The following GGNBP2 variants were observed in gnomAD, a reference collection of about 807,000 sequenced individuals.
GGNBP2 encodes gametogenetin binding protein 2, also known as gametogenetin-binding protein 2.
In GGNBP2, 10 loss-of-function variants were observed where a neutral mutation model predicts 85.9. That is an observed-to-expected ratio of 0.12 (90% CI 0.07 to 0.20). GGNBP2 has a LOEUF of 0.20. GGNBP2 is among the 10% of genes least tolerant of loss of function. The pLI, the probability that GGNBP2 is intolerant of heterozygous loss-of-function variation, is 1.00. For missense variants in GGNBP2, 595 were observed against 857.8 expected (o/e 0.69, Z 3.83); for synonymous variants, 287 against 285.7 (o/e 1.00, Z -0.05).
At chr17:36,545,593 A>T (rs559151966) in intron 1 of GGNBP2, 26 bp from the exon 2 acceptor site, 1 of 665,446 alleles carries the variant, frequency 1.5e-6, no homozygotes, top group Non-Finnish European at 2.6e-6. Context: ...GCGGGTGCTT[A>T]CGCTCGCGGG....
At chr17:36,556,450 A>T (rs549574762) in intron 3 of GGNBP2, among the ~76,000 whole-genome samples, 1 of 152,230 alleles carries the variant, frequency 6.6e-6, no homozygotes, top group Admixed American at 6.5e-5. Context: ...TCACGCCTGT[A>T]ATCCGAGCAC....
intron 6 of GGNBP2, among the ~76,000 whole-genome samples, chr17:36,571,014 T>C (rs2074518772): frequency 6.6e-6 from 1 of 152,152 alleles, no homozygotes; most frequent in Admixed American, 6.6e-5. Context: ...AGTGAGACTC[T>C]GTCTCAAAAG....
Position 36,587,234 on chromosome 17 carries a change from G to A in GGNBP2, c.1879G>A (p.Val627Ile). The part of the protein sequence containing the change: ...PDSGKGAKSL[V>I]ELLDESECTS... ...TTCCGGAAAAGGTGCCAAGAGCTTA[G>A]TTGAACTCCTTGTAAGTATTCCATG... Residue 627 changes from valine to isoleucine, a missense_variant, in exon 13 of 14, where the codon GTT becomes ATT. Transcript: ENST00000613102. The A allele has an allele frequency of 6.2e-7, 1 of 1,614,156 alleles. No homozygotes were observed. Among genetic ancestry groups the A allele is most frequent in the Non-Finnish European group, 8.5e-7 (1 of 1,180,026 alleles).
At position 36,587,125 on chromosome 17, in the gene GGNBP2, G is replaced by A. The variant is rs2074710056; in HGVS notation, c.1770G>A (p.Lys590=). Residue 590 remains lysine (K), a synonymous_variant, in exon 13 of 14, where the codon AAG becomes AAA. Transcript: ENST00000613102. ...CTGAAAGCTGTTGCAGCTCTGAAAA[G>A]GGTGGGCAGCCATTGCCTTGGTTTG... is the stretch of plus-strand genomic sequence containing the variant. The part of the protein sequence containing the change: ...THPESCCSSE[K]GGQPLPWFEH... 6.2e-7 allele frequency: 1 copy of A among 1,613,984 alleles called. No individual in the cohort carries two copies. Among genetic ancestry groups the A allele is most frequent in the Non-Finnish European group, 8.5e-7 (1 of 1,180,040 alleles).
At chr17:36,548,200 C>T (rs1215498689) in intron 2 of GGNBP2, among the ~76,000 whole-genome samples, 7 of 152,184 alleles carry the variant, frequency 4.6e-5, no homozygotes, top group African/African-American at 1.4e-4. Context: ...AATATAGTTA[C>T]AATGTTTACA....
At chr17:36,552,701 A>G (rs2074322053) in intron 2 of GGNBP2, among the ~76,000 whole-genome samples, 1 of 152,190 alleles carries the variant, frequency 6.6e-6, no homozygotes, top group African/African-American at 2.4e-5. Flanking sequence ...GTATGCATGG[A>G]AGAAAAAACT....
At chr17:36,563,292 T>A (rs780884249) in intron 5 of GGNBP2, among the ~76,000 whole-genome samples, 148 of 152,054 alleles carry the variant, frequency 9.7e-4, no homozygotes, top group Admixed American at 3.1e-3. Flanking sequence ...ATAAATAAAA[T>A]AAATTTTATT....
rs913959056 is a variant in GGNBP2, at chr17:36,545,025, G to T, written c.-179G>T. On this transcript the variant is annotated 5_prime_UTR_variant, in exon 1 of 14. Transcript: ENST00000613102. ...GCGGGCCTCGTCAGCCAGTAACAGG[G>T]AGCAGAGGTGGGAGTTAGCGAGGCG... 2.0e-5 allele frequency: 3 copies of T among 153,108 alleles called. No homozygotes were observed. The highest frequency in any genetic ancestry group is 7.2e-5 in the African/African-American group (3 of 41,432). 9.5% of individuals were successfully genotyped at this position (153,108 alleles called of 1,614,324 possible).
chr17:36,555,049 A>G (rs2074349192), intron 3 of GGNBP2, 149 bp downstream of exon 3: 1 of 554,574 alleles, frequency 1.8e-6, no homozygotes, highest in African/African-American at 1.9e-5. Flanking sequence ...GTAAGCATGC[A>G]TAGTTATTTA....
intron 6 of GGNBP2, chr17:36,574,873 G>T (rs2074560857): frequency 1.4e-6 from 1 of 724,284 alleles, no homozygotes. Flanking sequence ...GCTTGGCCAG[G>T]ATGATGGCCC....
At chr17:36,578,517 A>T in intron 7 of GGNBP2, 1 of 242,396 alleles carries the variant, frequency 4.1e-6, no homozygotes, top group Non-Finnish European at 7.9e-6. Flanking sequence ...TATCATGTGT[A>T]AATTTTATTC....
chr17:36,563,542 T>C (rs1444925551), intron 5 of GGNBP2, among the ~76,000 whole-genome samples: 3 of 151,694 alleles, frequency 2.0e-5, no homozygotes, highest in Admixed American at 6.6e-5. Flanking sequence ...CAAAATTAAG[T>C]GTAACAATCG....
In GGNBP2 at chr17:36,587,155, T is replaced by C. The variant is rs781573073; in HGVS notation, c.1800T>C (p.His600=). The C allele has an allele frequency of 6.2e-7, 1 of 1,614,070 alleles. No homozygotes were observed. The change falls in exon 13 of 14, where the codon CAT becomes CAC. Residue 600 remains histidine (H), a synonymous_variant. Transcript: ENST00000613102. ...GGCAGCCATTGCCTTGGTTTGAGCA[T>C]AGGAAAAATGTACCACAGTTTGCAG... is the stretch of plus-strand genomic sequence containing the variant. ...KGGQPLPWFE[H]RKNVPQFAEP...
intron 12 of GGNBP2, 52 bp from the exon 13 acceptor site, chr17:36,586,945 T>C: frequency 6.9e-7 from 1 of 1,457,572 alleles, no homozygotes; most frequent in Non-Finnish European, 9.3e-7. Flanking sequence ...TAAAGAATAA[T>C]TGCTATTATA....
At chr17:36,561,999 G>C (rs1255534127) in intron 5 of GGNBP2, among the ~76,000 whole-genome samples, 1 of 152,070 alleles carries the variant, frequency 6.6e-6, no homozygotes, top group African/African-American at 2.4e-5. Flanking sequence ...AGTGTCCAAG[G>C]CTGCTTTTTC....
At chr17:36,574,908 T>C (rs1196357639) in intron 6 of GGNBP2, 4 of 888,096 alleles carry the variant, frequency 4.5e-6, no homozygotes, top group Non-Finnish European at 7.2e-6. Flanking sequence ...GCCACCTCCT[T>C]GGAGCACTTA....
chr17:36,568,229 A>G (rs920342975), intron 6 of GGNBP2, among the ~76,000 whole-genome samples: 2 of 151,232 alleles, frequency 1.3e-5, no homozygotes, highest in Admixed American at 6.6e-5. Context: ...TGGCCAAAGC[A>G]GTTGCTTTAT....
At chr17:36,547,584 C>T (rs1393024288) in intron 2 of GGNBP2, 2 of 152,208 alleles carry the variant, frequency 1.3e-5, no homozygotes. Flanking sequence ...ATACTGTATT[C>T]TCTCCACAAT....
At chr17:36,560,206 C>G (rs562836179) in intron 4 of GGNBP2, among the ~76,000 whole-genome samples, 1 of 152,244 alleles carries the variant, frequency 6.6e-6, no homozygotes, top group East Asian at 1.9e-4. Context: ...GATCCTCTTA[C>G]CTCAGCCTTC....
Sources: gnomAD v4.1 joint callset for allele counts (sites outside exome capture counted in the v4.1 genomes callset) on GRCh38, gnomAD v4.1.1 for gene constraint, MANE v1.5 for transcripts, NCBI Gene and HGNC (gene_info 2026-07-23, HGNC 2026-07-21) for gene names.